The following SLC6A11 variants were observed in gnomAD, a reference collection of about 807,000 sequenced individuals.
SLC6A11 encodes the protein solute carrier family 6 member 11, also known as sodium- and chloride-dependent GABA transporter 3.
In SLC6A11, 25 loss-of-function variants were observed where a neutral mutation model predicts 74.8. The ratio of observed to expected loss-of-function variants is 0.33; its 90% CI spans 0.24 to 0.47. The LOEUF (loss-of-function observed/expected upper bound fraction) is 0.47. Among genes scored for constraint, SLC6A11 ranks in the 20% least tolerant of loss-of-function variants. The probability of loss-of-function intolerance (pLI) is 1.00; values close to 1 mark genes in which losing one functional copy is unlikely to be tolerated. For missense variants in SLC6A11, 574 were observed against 837.0 expected (o/e 0.69, Z 3.88); for synonymous variants, 330 against 330.2 (o/e 1.00, Z 0.01).
chr3:10,857,585 C>A (rs1280666878), intron 5 of SLC6A11, among the ~76,000 whole-genome samples: 2 of 152,108 alleles, frequency 1.3e-5, no homozygotes, highest in Admixed American at 1.3e-4. Flanking sequence ...CAGAGAAGAG[C>A]CTTATCCTGA....
chr3:10,865,767 G>A (rs1346981849), intron 5 of SLC6A11, among the ~76,000 whole-genome samples: 4 of 152,220 alleles, frequency 2.6e-5, no homozygotes, highest in African/African-American at 7.2e-5. Flanking sequence ...AAGACTTCCT[G>A]ATTCCTTTTA....
chr3:10,857,741 G>C (rs1296619423), intron 5 of SLC6A11, among the ~76,000 whole-genome samples: 2 of 152,162 alleles, frequency 1.3e-5, no homozygotes, highest in Admixed American at 1.3e-4. Context: ...CCCCTTGTTT[G>C]TGACAAGGAT....
At chr3:10,873,384 TG>T (rs1292629546) in intron 5 of SLC6A11, among the ~76,000 whole-genome samples, 29,313 of 90,172 alleles carry the variant, frequency 0.33, 5,622 homozygotes, top group East Asian at 0.52. Flanking sequence ...CCTTCATTAT[TG>T]TATCCTATCC....
At chr3:10,828,033 A>G (rs934176284) in intron 4 of SLC6A11, among the ~76,000 whole-genome samples, 2 of 152,178 alleles carry the variant, frequency 1.3e-5, no homozygotes, top group Non-Finnish European at 2.9e-5. Context: ...TTAGTAACCC[A>G]TTATGCATCT....
chr3:10,929,138 A>G (rs1014723640), intron 9 of SLC6A11, 64 bp from the exon 10 acceptor site: 4 of 1,583,254 alleles, frequency 2.5e-6, no homozygotes, highest in African/African-American at 1.3e-5. Flanking sequence ...GCGCTTGCCC[A>G]GAGCCTGGGC....
chr3:10,896,718 C>A (rs1469708753), intron 6 of SLC6A11, among the ~76,000 whole-genome samples: 2 of 152,180 alleles, frequency 1.3e-5, no homozygotes, highest in African/African-American at 4.8e-5. Flanking sequence ...GATTGCAAGG[C>A]CCTGAGCACA....
At chr3:10,839,662 A>T (rs1694412547) in intron 4 of SLC6A11, among the ~76,000 whole-genome samples, 2 of 152,140 alleles carry the variant, frequency 1.3e-5, no homozygotes, top group African/African-American at 4.8e-5. Context: ...CTGAGGGCTC[A>T]AGTATGAATC....
chr3:10,914,924 G>C (rs1490275013), intron 7 of SLC6A11, among the ~76,000 whole-genome samples: 1 of 152,164 alleles, frequency 6.6e-6, no homozygotes, highest in African/African-American at 2.4e-5. Context: ...GTCCCCTCCA[G>C]CTAGGCTGTC....
chr3:10,830,605 A>G (rs1165941210), intron 4 of SLC6A11, among the ~76,000 whole-genome samples: 2 of 152,174 alleles, frequency 1.3e-5, no homozygotes, highest in East Asian at 1.9e-4. Context: ...TTCAAGGGTC[A>G]GGGAGGGCCT....
At chr3:10,823,525 T>C in intron 4 of SLC6A11, 133 bp downstream of exon 4, 1 of 651,864 alleles carries the variant, frequency 1.5e-6, no homozygotes, top group Non-Finnish European at 2.8e-6. Flanking sequence ...TCTGTGAGCA[T>C]TCGACAGCTT....
At chr3:10,928,976 G>A (rs1165810920) in intron 9 of SLC6A11, among the ~76,000 whole-genome samples, 1 of 152,170 alleles carries the variant, frequency 6.6e-6, no homozygotes, top group Non-Finnish European at 1.5e-5. Flanking sequence ...ATAATCCTGG[G>A]CAGGTCACTC....
At position 10,935,287 on chromosome 3, in the gene SLC6A11, G is replaced by A. The variant is rs41308277; in HGVS notation, c.1746+88G>A. 7.8e-3 allele frequency: 9,663 copies of A among 1,239,132 alleles called. 73 individuals are homozygous for A. The highest frequency in any genetic ancestry group is 0.021 in the African/African-American group (1,437 of 67,380). The allele number at this position is 1,239,132 out of a possible 1,614,324, so 76.8% of individuals were successfully genotyped here. On this transcript the variant is annotated intron_variant, in intron 13 of 13. Transcript: ENST00000254488. The stretch of plus-strand genomic sequence containing the variant: ...CTCATCTGCATGGTGCGCGATGACG[G>A]CCTGCGCCCACCTGCCTCAAGGGGA...
intron 6 of SLC6A11, among the ~76,000 whole-genome samples, chr3:10,895,142 G>A (rs1362439501): frequency 2.0e-5 from 3 of 152,096 alleles, no homozygotes; most frequent in African/African-American, 7.2e-5. Flanking sequence ...AAGAGAGGGA[G>A]GCCCATGAGG....
chr3:10,873,718 C>CCG (rs1179921714), intron 5 of SLC6A11, among the ~76,000 whole-genome samples: 2 of 149,710 alleles, frequency 1.3e-5, no homozygotes, highest in African/African-American at 5.0e-5. Flanking sequence ...CTATCCTATC[C>CCG]TATCCTATCC....
chr3:10,820,643 A>G (rs1366802932), intron 3 of SLC6A11, among the ~76,000 whole-genome samples: 1 of 152,164 alleles, frequency 6.6e-6, no homozygotes, highest in African/African-American at 2.4e-5. Context: ...TTTTCCATAT[A>G]TCCTCCTATT....
At chr3:10,910,203 G>A (rs949291341) in intron 6 of SLC6A11, among the ~76,000 whole-genome samples, 3 of 152,130 alleles carry the variant, frequency 2.0e-5, no homozygotes, top group Non-Finnish European at 2.9e-5. Context: ...GTTCAGAGGC[G>A]GCATTATGAT....
At chr3:10,875,156 GC>G in intron 6 of SLC6A11, 61 bp downstream of exon 6, 2 of 1,436,678 alleles carry the variant, frequency 1.4e-6, no homozygotes, top group Admixed American at 4.2e-5. Flanking sequence ...CTTCTGCAGA[GC>G]CCCTGCCACT....
intron 5 of SLC6A11, among the ~76,000 whole-genome samples, chr3:10,846,068 T>G (rs753925986): frequency 1.3e-5 from 2 of 152,028 alleles, no homozygotes; most frequent in Non-Finnish European, 2.9e-5. Flanking sequence ...CCACATGGGG[T>G]GGTTGTGAGG....
intron 6 of SLC6A11, among the ~76,000 whole-genome samples, chr3:10,882,400 G>T (rs1174188983): frequency 1.3e-5 from 2 of 152,072 alleles, no homozygotes; most frequent in Non-Finnish European, 2.9e-5. Context: ...ACGTGCTCCT[G>T]GTGCATCTCA....
Sources: allele counts gnomAD v4.1 joint callset (sites outside exome capture counted in the v4.1 genomes callset), GRCh38; gene constraint gnomAD v4.1.1; transcripts MANE v1.5; gene names NCBI Gene and HGNC (gene_info 2026-07-23, HGNC 2026-07-21).